Variants in NCBP3 observed in about 807,000 individuals in gnomAD.
The protein encoded by NCBP3 is nuclear cap binding subunit 3.
In NCBP3, 20 loss-of-function variants were observed where a neutral mutation model predicts 75.7. The observed-to-expected ratio is 0.26, with a 90% CI of 0.19 to 0.38. NCBP3 has a LOEUF of 0.38. Among genes scored for constraint, NCBP3 ranks in the 10% least tolerant of loss-of-function variants. NCBP3 has a pLI of 1.00. For missense variants in NCBP3, 678 were observed against 796.9 expected (o/e 0.85, Z 1.80); for synonymous variants, 293 against 290.5 (o/e 1.01, Z -0.09).
At chr17:3,831,311 A>C (rs1387113980) in intron 3 of NCBP3, among the ~76,000 whole-genome samples, 2 of 151,848 alleles carry the variant, frequency 1.3e-5, no homozygotes, top group Non-Finnish European at 2.9e-5. Flanking sequence ...CGGTCGCTCA[A>C]GCCTGTAATC....
In NCBP3 at chr17:3,810,001, G is replaced by C. The variant is rs1234798458; in HGVS notation, c.*3043C>G. 2 of 152,228 alleles carry C rather than the reference G, an allele frequency of 1.3e-5. No individual in the cohort carries two copies. The highest frequency in any genetic ancestry group is 2.9e-5 in the Non-Finnish European group (2 of 68,074). The allele number at this position is 152,228 out of a possible 1,614,324, so 9.4% of individuals were successfully genotyped here. On this transcript the variant is annotated 3_prime_UTR_variant, in exon 13 of 13. Transcript: ENST00000389005. ...AAGATCAGTGGTGGCCAGAGGCTAA[G>C]AGGGAAGAGGGAATAGGGAGAATTG...
Position 3,813,152 on chromosome 17 carries a change from A to T in NCBP3, c.1755T>A (p.Ile585=), listed in dbSNP as rs759708817. The change falls in exon 13 of 13, where the codon ATT becomes ATA. Residue 585 remains isoleucine, a synonymous_variant. Transcript: ENST00000389005. The stretch of plus-strand genomic sequence containing the variant: ...TTTGGCGAGACTGCTCTTTCTCCTT[A>T]ATCAGAGCCCCCCATGCCCTTTGCA... ...SELQRAWGAL[I]KEKEQSRQKK... The T allele has an allele frequency of 3.7e-6, 6 of 1,614,086 alleles. No homozygotes were observed. In the African/African-American group the frequency reaches 5.3e-5, roughly 14 times the overall value.
chr17:3,806,775 C>T lies in NCBP3; in HGVS notation c.*6269G>A, dbSNP rs1023567868. On this transcript the variant is annotated 3_prime_UTR_variant, in exon 13 of 13. Transcript: ENST00000389005. ...TTTCTTCTAAGATTTATTTTATAAACATGTAAGAAAAGTTGTAGATATTTA... is the reference window on the plus strand; with the variant it reads ...TTTCTTCTAAGATTTATTTTATAAATATGTAAGAAAAGTTGTAGATATTTA... 3.0e-5 allele frequency: 4 copies of T among 131,386 alleles called. No individual in the cohort carries two copies. The highest frequency in any genetic ancestry group is 1.1e-4 in the African/African-American group (4 of 35,334). 8.1% of individuals were successfully genotyped at this position (131,386 alleles called of 1,614,324 possible). A position where few individuals can be genotyped will look rare whatever the true frequency, so the allele number is the denominator to read the frequency against.
At chr17:3,821,691 G>A (rs1417033170) in intron 8 of NCBP3, among the ~76,000 whole-genome samples, 2 of 152,168 alleles carry the variant, frequency 1.3e-5, no homozygotes, top group Admixed American at 6.6e-5. Flanking sequence ...CCAAAGTGCT[G>A]GGATTACAGG....
intron 9 of NCBP3, 70 bp downstream of exon 9, chr17:3,821,179 T>G (rs1369571601): frequency 5.4e-6 from 6 of 1,107,730 alleles, no homozygotes; most frequent in Non-Finnish European, 8.3e-6. Context: ...CTTAAAAGAT[T>G]GCATTAAGAA....
intron 2 of NCBP3, among the ~76,000 whole-genome samples, chr17:3,841,604 T>C (rs975637797): frequency 0.013 from 1,886 of 142,992 alleles, 23 homozygotes; most frequent in African/African-American, 0.04. Flanking sequence ...TTCTCTCTCT[T>C]TTTTTTTTTT....
intron 7 of NCBP3, among the ~76,000 whole-genome samples, chr17:3,823,076 G>T (rs527260502): frequency 1.3e-5 from 2 of 152,312 alleles, no homozygotes; most frequent in South Asian, 4.1e-4. Context: ...TACTTTGGGA[G>T]GCTGAGGCGG....
At chr17:3,832,972 G>A (rs1597408902) in intron 3 of NCBP3, among the ~76,000 whole-genome samples, 1 of 152,202 alleles carries the variant, frequency 6.6e-6, no homozygotes, top group South Asian at 2.1e-4. Context: ...GAATCCAGGT[G>A]GGCATGGTGG....
chr17:3,834,651 T>C (rs2053944017), intron 3 of NCBP3, among the ~76,000 whole-genome samples: 1 of 152,198 alleles, frequency 6.6e-6, no homozygotes, highest in Admixed American at 6.5e-5. Context: ...GGCTCATGCC[T>C]GTAATCCCAG....
chr17:3,825,638 G>A (rs1451068706), intron 6 of NCBP3, 129 bp downstream of exon 6: 3 of 641,216 alleles, frequency 4.7e-6, no homozygotes, highest in Non-Finnish European at 8.2e-6. Flanking sequence ...CAAGAGCCTG[G>A]TGCACCCTCA....
chr17:3,838,906 C>CAG (rs1277638287), intron 3 of NCBP3, among the ~76,000 whole-genome samples: 12 of 152,174 alleles, frequency 7.9e-5, no homozygotes, highest in African/African-American at 2.9e-4. Flanking sequence ...AATATATTTA[C>CAG]AGAGCTTTTG....
rs2053663330 is a variant in NCBP3 at position 3,821,439 on chromosome 17, T to C, written c.897-87A>G. On this transcript the variant is annotated intron_variant, in intron 8 of 12. Transcript: ENST00000389005. The stretch of plus-strand genomic sequence containing the variant: ...TATTTCTTTCTCTTTTCTTTTTTTT[T>C]TGTGATGGAGTCTCAATCTCTCTCC... The C allele has an allele frequency of 3.7e-6, 4 of 1,077,140 alleles. No homozygotes were observed. In the Admixed American group the frequency reaches 8.4e-5, roughly 22 times the overall value. 66.7% of individuals were successfully genotyped at this position (1,077,140 alleles called of 1,614,324 possible).
intron 2 of NCBP3, 21 bp from the exon 3 acceptor site, chr17:3,840,226 G>C (rs1270878117): frequency 2.6e-6 from 4 of 1,542,894 alleles, no homozygotes; most frequent in Admixed American, 3.9e-5. Context: ...CAGAAAAAGT[G>C]AAAGTAGTAA....
chr17:3,826,680 AAGAG>A (rs1417732384), intron 4 of NCBP3, among the ~76,000 whole-genome samples: 4 of 137,862 alleles, frequency 2.9e-5, no homozygotes, highest in Non-Finnish European at 4.6e-5. Context: ...AAGAAAGAGA[AAGAG>A]AGACAGAAAG....
chr17:3,808,236 G>C lies in NCBP3; in HGVS notation c.*4808C>G, dbSNP rs2053357105. On this transcript the variant is annotated 3_prime_UTR_variant, in exon 13 of 13. Coordinates refer to ENST00000389005, the MANE Select transcript of NCBP3 (RefSeq NM_001114118.3). ...AACTGCAGGCCAATCACTTCACCTGGTACTCAACCAAACAGTAATGTGTTC... is the reference window on the plus strand; with the variant it reads ...AACTGCAGGCCAATCACTTCACCTGCTACTCAACCAAACAGTAATGTGTTC... The C allele has an allele frequency of 6.6e-6, 1 of 152,164 alleles. No homozygotes were observed. The highest frequency in any genetic ancestry group is 1.5e-5 in the Non-Finnish European group (1 of 68,032). The allele number at this position is 152,164 out of a possible 1,614,324, so 9.4% of individuals were successfully genotyped here.
At chr17:3,826,592 C>T (rs2053788001) in intron 4 of NCBP3, among the ~76,000 whole-genome samples, 1 of 151,666 alleles carries the variant, frequency 6.6e-6, no homozygotes, top group South Asian at 2.1e-4. Flanking sequence ...GGTCACACCA[C>T]TGCACTCCAG....
At position 3,825,862 on chromosome 17, in the gene NCBP3, G is replaced by A. The variant is rs1444450045; in HGVS notation, c.611-19C>T. The A allele has an allele frequency of 1.3e-6, 2 of 1,537,426 alleles. No homozygotes were observed. Among genetic ancestry groups the A allele is most frequent in the East Asian group, 2.4e-5 (1 of 40,828 alleles). On this transcript the variant is annotated intron_variant, in intron 5 of 12. Transcript: ENST00000389005. The stretch of plus-strand genomic sequence containing the variant: ...TGCTTGTCTAAAATGGAATGTGAAG[G>A]ACAAGATGAAACAAGATAAAATATT...
At chr17:3,842,516 C>T (rs1304333084) in intron 2 of NCBP3, among the ~76,000 whole-genome samples, 2 of 152,150 alleles carry the variant, frequency 1.3e-5, no homozygotes, top group African/African-American at 2.4e-5. Context: ...ATGGACATAC[C>T]ATTTAAAAAA....
chr17:3,812,981 T>TGC lies in NCBP3; in HGVS notation c.*61_*62dup, dbSNP rs2053448526. ...CAGCTCCTGCGGGGGAGGTTCCTAC[T>TGC]GCGCGCCCCACCCTGTGCAAGAATG... On this transcript the variant is annotated 3_prime_UTR_variant, in exon 13 of 13. Coordinates refer to ENST00000389005, the MANE Select transcript of NCBP3 (RefSeq NM_001114118.3). The TGC allele has an allele frequency of 3.0e-5, 48 of 1,600,798 alleles. 1 individual carries two copies. In the South Asian group the frequency reaches 5.0e-4, roughly 17 times the overall value.
Sources: gnomAD v4.1 joint callset for allele counts (sites outside exome capture counted in the v4.1 genomes callset) on GRCh38, gnomAD v4.1.1 for gene constraint, MANE v1.5 for transcripts, NCBI Gene and HGNC (gene_info 2026-07-23, HGNC 2026-07-21) for gene names.